CACNA2D1: variants seen among roughly 807,000 people sequenced by gnomAD.
CACNA2D1 encodes voltage-dependent calcium channel subunit alpha-2/delta-1.
CACNA2D1 carries 53 observed loss-of-function variants against 171.5 expected under a neutral mutation model. The ratio of observed to expected loss-of-function variants is 0.31; its 90% CI spans 0.25 to 0.39. The LOEUF is 0.39. CACNA2D1 is among the 10% of genes least tolerant of loss of function. The probability of loss-of-function intolerance (pLI) is 1.00; values close to 1 mark genes in which losing one functional copy is unlikely to be tolerated. For synonymous variants in CACNA2D1, 442 were observed against 443.1 expected, an observed-to-expected ratio of 1.00 and a Z score of 0.03; for missense variants, 903 against 1,299.8, an observed-to-expected ratio of 0.69 and a Z score of 4.69.
At chr7:82,016,014 T>A (rs1036922914) in intron 12 of CACNA2D1, among the ~76,000 whole-genome samples, 2 of 152,206 alleles carry the variant, frequency 1.3e-5, no homozygotes, top group Non-Finnish European at 2.9e-5. Flanking sequence ...CTTCAAACTG[T>A]AAGAATAAAT....
intron 1 of CACNA2D1, among the ~76,000 whole-genome samples, chr7:82,433,771 C>T (rs2129459102): frequency 1.3e-5 from 2 of 152,320 alleles, no homozygotes; most frequent in East Asian, 3.9e-4. Context: ...GAGCCTTTTT[C>T]TGAGAATCGG....
At chr7:82,030,395 A>G (rs1223684548) in intron 12 of CACNA2D1, among the ~76,000 whole-genome samples, 1 of 146,922 alleles carries the variant, frequency 6.8e-6, no homozygotes, top group Non-Finnish European at 1.5e-5. Flanking sequence ...TGTATAGAGA[A>G]TTCCGAAACA....
In CACNA2D1 at chr7:82,007,733, T is replaced by C. The variant is rs1205836502; in HGVS notation, c.1386A>G (p.Gly462=). The C allele has an allele frequency of 6.3e-7, 1 of 1,599,598 alleles. No individual in the cohort carries two copies. The change falls in exon 16 of 39, where the codon GGA becomes GGG. Residue 462 remains glycine (G), a synonymous_variant. Transcript: ENST00000356860. ...CGGTTATGTTGAAGACCGGAAGAGT[T>C]CCAGTAATGACAAGTCCCAGTTCCT... ...DALELGLVIT[G]TLPVFNITGQ...
At chr7:82,343,588 A>G (rs1464465666) in intron 2 of CACNA2D1, among the ~76,000 whole-genome samples, 1 of 152,234 alleles carries the variant, frequency 6.6e-6, no homozygotes, top group Non-Finnish European at 1.5e-5. Flanking sequence ...GAATACTTAG[A>G]TTCAAAACAA....
At chr7:82,247,488 A>G (rs1262073187) in intron 3 of CACNA2D1, among the ~76,000 whole-genome samples, 2 of 151,716 alleles carry the variant, frequency 1.3e-5, no homozygotes, top group Non-Finnish European at 2.9e-5. Context: ...CCAGCAAAAG[A>G]GCCAGACCCT....
chr7:82,145,249 T>C (rs1792848669), intron 4 of CACNA2D1, among the ~76,000 whole-genome samples: 4 of 142,356 alleles, frequency 2.8e-5, no homozygotes. Context: ...ATTATATAAA[T>C]ATATAAATTA....
At chr7:82,165,602 A>C (rs893765755) in intron 4 of CACNA2D1, among the ~76,000 whole-genome samples, 1 of 152,066 alleles carries the variant, frequency 6.6e-6, no homozygotes, top group African/African-American at 2.4e-5. Context: ...CGTATGCATG[A>C]ACAACAACAG....
chr7:82,177,128 T>C lies in CACNA2D1; in HGVS notation c.295-6519A>G, dbSNP rs184817081. Among the ~76,000 whole-genome samples, 578 of 147,330 alleles carry C rather than the reference T, an allele frequency of 3.9e-3. 4 individuals carry two copies. The highest frequency in any genetic ancestry group is 0.014 in the African/African-American group (544 of 39,618). On this transcript the variant is annotated intron_variant, in intron 3 of 38. Transcript: ENST00000356860. The stretch of plus-strand genomic sequence containing the variant: ...GCGGGCTGGAGGGTATTGGGGAAGC[T>C]GAAAATACTGAAAAGCACAGAAATA...
At chr7:82,111,424 GTGTGTA>G (rs1563065301) in intron 6 of CACNA2D1, among the ~76,000 whole-genome samples, 14 of 71,070 alleles carry the variant, frequency 2.0e-4, no homozygotes, top group South Asian at 4.7e-4. Context: ...GTGTATATAT[GTGTGTA>G]TATATATATA....
chr7:82,323,529 A>G (rs1816263593), intron 3 of CACNA2D1, among the ~76,000 whole-genome samples: 1 of 152,156 alleles, frequency 6.6e-6, no homozygotes, highest in Admixed American at 6.5e-5. Flanking sequence ...TGACTGACTC[A>G]GTGAGGACTC....
intron 3 of CACNA2D1, among the ~76,000 whole-genome samples, chr7:82,317,093 A>G (rs1263057542): frequency 1.3e-5 from 2 of 152,208 alleles, no homozygotes. Context: ...TGTTAGTTGA[A>G]TATTACCGAA....
At chr7:82,440,075 C>G (rs1377992718) in intron 1 of CACNA2D1, among the ~76,000 whole-genome samples, 1 of 151,730 alleles carries the variant, frequency 6.6e-6, no homozygotes, top group Admixed American at 6.6e-5. Context: ...GTAATTAAAG[C>G]CAAAAGTACT....
intron 3 of CACNA2D1, among the ~76,000 whole-genome samples, chr7:82,219,924 G>A (rs990572369): frequency 1.3e-5 from 2 of 152,082 alleles, no homozygotes; most frequent in East Asian, 1.9e-4. Context: ...GGTTTTCAAC[G>A]GATTTTATAC....
chr7:82,291,200 A>G (rs544344047), intron 3 of CACNA2D1, among the ~76,000 whole-genome samples: 40 of 140,112 alleles, frequency 2.9e-4, no homozygotes, highest in African/African-American at 9.6e-4. Flanking sequence ...ATAGAATTCT[A>G]TATCTATAAA....
chr7:81,959,760 A>G lies in CACNA2D1; in HGVS notation c.3036T>C (p.Cys1012=). The change falls in exon 37 of 39, where the codon TGT becomes TGC. Residue 1012 remains cysteine (C), a synonymous_variant. Coordinates refer to ENST00000356860, the MANE Select transcript of CACNA2D1 (RefSeq NM_000722.4). The stretch of plus-strand genomic sequence containing the variant: ...GTATGAGCAGTCGTGTGTCACATGG[A>G]CATGTCCCTTTGCTCTCAACCATTA... The part of the protein sequence containing the change: ...IFIMVESKGT[C]PCDTRLLIQA... The G allele has an allele frequency of 6.2e-7, 1 of 1,612,830 alleles. No homozygotes were observed. Among genetic ancestry groups the G allele is most frequent in the Non-Finnish European group, 8.5e-7 (1 of 1,179,230 alleles).
At chr7:82,131,622 A>G (rs766115052) in intron 5 of CACNA2D1, among the ~76,000 whole-genome samples, 8 of 152,220 alleles carry the variant, frequency 5.3e-5, no homozygotes, top group Non-Finnish European at 1.2e-4. Flanking sequence ...CCCAGCAGTT[A>G]GTATGCCAAT....
chr7:82,278,022 C>T, intron 3 of CACNA2D1, among the ~76,000 whole-genome samples: 1 of 152,066 alleles, frequency 6.6e-6, no homozygotes, highest in East Asian at 1.9e-4. Flanking sequence ...GCTAGGAGTA[C>T]AGGTGTGAGT....
intron 6 of CACNA2D1, among the ~76,000 whole-genome samples, chr7:82,116,810 A>C (rs1423061868): frequency 1.4e-4 from 21 of 152,220 alleles, no homozygotes; most frequent in Admixed American, 1.4e-3. Context: ...AGTTAGAAGG[A>C]CCACTCCATG....
intron 3 of CACNA2D1, among the ~76,000 whole-genome samples, chr7:82,177,283 A>G (rs1348100812): frequency 6.6e-6 from 1 of 151,980 alleles, no homozygotes; most frequent in Non-Finnish European, 1.5e-5. Context: ...ATTTCCCTAC[A>G]CAGAGCAATC....
Sources: gnomAD v4.1 joint callset for allele counts (sites outside exome capture counted in the v4.1 genomes callset) on GRCh38, gnomAD v4.1.1 for gene constraint, MANE v1.5 for transcripts, NCBI Gene and HGNC (gene_info 2026-07-23, HGNC 2026-07-21) for gene names.